KCNQ1: variants seen among roughly 807,000 people sequenced by gnomAD.
KCNQ1 encodes potassium voltage-gated channel subfamily KQT member 1.
KCNQ1 carries 49 observed loss-of-function variants against 72.4 expected under a neutral mutation model. That is an observed-to-expected ratio of 0.68 (90% CI 0.54 to 0.86). The LOEUF (loss-of-function observed/expected upper bound fraction) is 0.86. Ranked by LOEUF, KCNQ1 falls within the 40% of genes least tolerant of loss-of-function variation. KCNQ1 has a pLI of 0.00. For missense variants in KCNQ1, 790 were observed against 945.1 expected (o/e 0.84, Z 2.15); for synonymous variants, 450 against 412.6 (o/e 1.09, Z -1.10).
intron 15 of KCNQ1, among the ~76,000 whole-genome samples, chr11:2,790,915 A>G (rs1847008915): frequency 6.6e-6 from 1 of 152,122 alleles, no homozygotes; most frequent in Non-Finnish European, 1.5e-5. Context: ...TTCCCCAGCT[A>G]TCCAGCGGCT....
intron 15 of KCNQ1, among the ~76,000 whole-genome samples, chr11:2,793,390 C>CG (rs61479768): frequency 0.38 from 49,624 of 129,838 alleles, 8,284 homozygotes; most frequent in Non-Finnish European, 0.41. Context: ...GAGGCCAAGA[C>CG]GGGGGGATGG....
intron 12 of KCNQ1, 85 bp from the exon 13 acceptor site, chr11:2,775,875 G>A (rs1239092991): frequency 3.7e-6 from 5 of 1,348,190 alleles, no homozygotes; most frequent in East Asian, 2.5e-5. Context: ...AGCCTCCCGA[G>A]GGCAGACACT....
Position 2,659,461 on chromosome 11 carries a change from G to T in KCNQ1, c.1394-2500G>T. On this transcript the variant is annotated intron_variant, in intron 10 of 15. Coordinates refer to ENST00000155840, the MANE Select transcript of KCNQ1 (RefSeq NM_000218.3). The surrounding 1 kb of genome is among the most constrained non-coding windows in gnomAD (Gnocchi z 4.3). ...GTTAATTTCTTTTTATTGCTGGGTG[G>T]TATTCCATTGCATGAATATATACAT... The T allele has an allele frequency of 2.5e-6, 1 of 398,520 alleles. No homozygotes were observed. The highest frequency in any genetic ancestry group is 4.4e-6 in the Non-Finnish European group (1 of 226,022). The allele number at this position is 398,520 out of a possible 1,614,324, so 24.7% of individuals were successfully genotyped here. A position where few individuals can be genotyped will look rare whatever the true frequency, so the allele number is the denominator to read the frequency against.
chr11:2,555,981 G>T (rs1433010553), intron 2 of KCNQ1, among the ~76,000 whole-genome samples: 1 of 152,208 alleles, frequency 6.6e-6, no homozygotes, highest in Admixed American at 6.5e-5. Context: ...TGGCCTTGCT[G>T]ATGACCTGGA....
rs1850586707 is a variant in KCNQ1 at position 2,691,467 on chromosome 11, CT to C, written c.1514+29389del. Reference sequence around the variant, plus strand: ...ACTGAGTCTCTGATGTTGACAGCCTCTTTGTTTTTTCATCTCAGCCTATTCA... The same window carrying C: ...ACTGAGTCTCTGATGTTGACAGCCTCTTGTTTTTTCATCTCAGCCTATTCA... On this transcript the variant is annotated intron_variant, in intron 11 of 15. Transcript: ENST00000155840. The surrounding 1 kb of genome is among the most constrained non-coding windows in gnomAD (Gnocchi z 6.4). The C allele has an allele frequency of 5.0e-6, 2 of 398,366 alleles. No homozygotes were observed. The allele number at this position is 398,366 out of a possible 1,614,324, so 24.7% of individuals were successfully genotyped here.
At position 2,703,519 on chromosome 11, in the gene KCNQ1, A is replaced by G. The variant is rs1307902807; in HGVS notation, c.1514+41438A>G. Among the ~76,000 whole-genome samples the G allele has an allele frequency of 2.0e-5, 3 of 152,210 alleles. No individual in the cohort carries two copies. The highest frequency in any genetic ancestry group is 4.4e-5 in the Non-Finnish European group (3 of 68,036). On this transcript the variant is annotated intron_variant, in intron 11 of 15. Transcript: ENST00000155840. The surrounding 1 kb of genome is among the most constrained non-coding windows in gnomAD (Gnocchi z 6.4). ...CACGCACACACGCACTCACAGCTGA[A>G]GAGAATTAGGCTCAAAACGTCCACT...
At chr11:2,805,421 A>G (rs981925465) in intron 15 of KCNQ1, among the ~76,000 whole-genome samples, 1 of 152,256 alleles carries the variant, frequency 6.6e-6, no homozygotes, top group African/African-American at 2.4e-5. Flanking sequence ...GCAGTAGGAA[A>G]GCAGGCAAAG....
intron 11 of KCNQ1, among the ~76,000 whole-genome samples, chr11:2,705,981 C>T (rs1850905561): frequency 6.6e-6 from 1 of 151,978 alleles, no homozygotes; most frequent in African/African-American, 2.4e-5. Context: ...CCTTAGAGAA[C>T]CTGAAGAGAA....
At chr11:2,737,825 C>CCTG (rs1291360873) in intron 11 of KCNQ1, among the ~76,000 whole-genome samples, 1 of 152,182 alleles carries the variant, frequency 6.6e-6, no homozygotes, top group Non-Finnish European at 1.5e-5. Flanking sequence ...GTGATGGATG[C>CCTG]CTGCTGTTGT....
chr11:2,644,666 A>C, intron 10 of KCNQ1: 1 of 398,556 alleles, frequency 2.5e-6, no homozygotes, highest in Non-Finnish European at 4.4e-6. Flanking sequence ...CTGGTGTAAC[A>C]GTAGTTTCTT....
intron 1 of KCNQ1, among the ~76,000 whole-genome samples, chr11:2,525,587 C>A (rs746074504): frequency 1.3e-5 from 2 of 152,170 alleles, no homozygotes; most frequent in African/African-American, 2.4e-5. Context: ...GGAAGCACCG[C>A]GTTTGCAAAT....
Position 2,559,725 on chromosome 11 carries a change from C to T in KCNQ1, c.478-10903C>T, listed in dbSNP as rs547159475. Among the ~76,000 whole-genome samples the T allele has an allele frequency of 2.6e-5, 4 of 152,144 alleles. No homozygotes were observed. Among genetic ancestry groups the T allele is most frequent in the Middle Eastern group, 3.2e-3 (1 of 316 alleles). ...CCCAGAGTCACCCCGAAATCATTAA[C>T]GGGGAGACAAGCACACAGAGCAGCT... On this transcript the variant is annotated intron_variant, in intron 2 of 15. Coordinates refer to ENST00000155840, the MANE Select transcript of KCNQ1 (RefSeq NM_000218.3). This position sits in a 1 kb window ranked among gnomAD's most constrained non-coding sequence, Gnocchi z 4.9.
At chr11:2,519,436 G>C (rs1589925495) in intron 1 of KCNQ1, among the ~76,000 whole-genome samples, 1 of 152,210 alleles carries the variant, frequency 6.6e-6, no homozygotes, top group South Asian at 2.1e-4. Flanking sequence ...TGAGCTTTGA[G>C]TACATTTTTA....
chr11:2,561,213 A>T (rs1848161467), intron 2 of KCNQ1, among the ~76,000 whole-genome samples: 1 of 149,994 alleles, frequency 6.7e-6, no homozygotes, highest in African/African-American at 2.5e-5. Flanking sequence ...AAAAAAAAAA[A>T]AAGAAAAAAA....
chr11:2,527,256 G>T (rs767025366), intron 1 of KCNQ1, among the ~76,000 whole-genome samples: 15 of 152,164 alleles, frequency 9.9e-5, no homozygotes, highest in Non-Finnish European at 1.8e-4. Flanking sequence ...ACAGCCTGCC[G>T]CCTGGAGGCT....
Position 2,657,594 on chromosome 11 carries a change from C to T in KCNQ1, c.1394-4367C>T, listed in dbSNP as rs1350170823. ...TCTTATATAACCATGGTACATTGACCAAAACTAAAAAATTAACATTGGTAC... is the reference window on the plus strand; with the variant it reads ...TCTTATATAACCATGGTACATTGACTAAAACTAAAAAATTAACATTGGTAC... On this transcript the variant is annotated intron_variant, in intron 10 of 15. Transcript: ENST00000155840. The surrounding 1 kb of genome is among the most constrained non-coding windows in gnomAD (Gnocchi z 4.8). The T allele has an allele frequency of 5.0e-6, 2 of 398,506 alleles. No homozygotes were observed. The highest frequency in any genetic ancestry group is 1.3e-3 in the Middle Eastern group (2 of 1,588). The allele number at this position is 398,506 out of a possible 1,614,324, so 24.7% of individuals were successfully genotyped here. A position where few individuals can be genotyped will look rare whatever the true frequency, so the allele number is the denominator to read the frequency against.
rs1850619516 is a variant in KCNQ1 at position 2,693,327 on chromosome 11, C to G, written c.1514+31246C>G. The G allele has an allele frequency of 1.0e-5, 4 of 398,770 alleles. No individual in the cohort carries two copies. The South Asian group carries it at 5.1e-4, about 51-fold the overall frequency. 24.7% of individuals were successfully genotyped at this position (398,770 alleles called of 1,614,324 possible). A position where few individuals can be genotyped will look rare whatever the true frequency, so the allele number is the denominator to read the frequency against. The stretch of plus-strand genomic sequence containing the variant: ...ACCCACAGGCCTGGGCCCTCTCTCC[C>G]TGCCCTGAAGCCAACCAGACCCTGG... On this transcript the variant is annotated intron_variant, in intron 11 of 15. Coordinates refer to ENST00000155840, the MANE Select transcript of KCNQ1 (RefSeq NM_000218.3).
Position 2,661,472 on chromosome 11 carries a change from C to A in KCNQ1, c.1394-489C>A. 2.3e-6 allele frequency: 1 copy of A among 435,906 alleles called. No homozygotes were observed. The highest frequency in any genetic ancestry group is 3.8e-5 in the Admixed American group (1 of 26,090). 27.0% of individuals were successfully genotyped at this position (435,906 alleles called of 1,614,324 possible). A position where few individuals can be genotyped will look rare whatever the true frequency, so the allele number is the denominator to read the frequency against. ...TTTTGAGGAAGGAGTTCTGTGGCTG[C>A]CCCCACCTCCCAGGCTTGCCATTCC... is the stretch of plus-strand genomic sequence containing the variant. On this transcript the variant is annotated intron_variant, in intron 10 of 15. Transcript: ENST00000155840. The surrounding 1 kb of genome is among the most constrained non-coding windows in gnomAD (Gnocchi z 5.9).
rs565439759 is a variant in KCNQ1, at chr11:2,559,053, C to T, written c.478-11575C>T. 2.8e-4 allele frequency among the ~76,000 whole-genome samples: 42 copies of T among 151,960 alleles called. No homozygotes were observed. The highest frequency in any genetic ancestry group is 1.7e-3 in the South Asian group (8 of 4,810). On this transcript the variant is annotated intron_variant, in intron 2 of 15. Coordinates refer to ENST00000155840, the MANE Select transcript of KCNQ1 (RefSeq NM_000218.3). The surrounding 1 kb of genome is among the most constrained non-coding windows in gnomAD (Gnocchi z 4.9). ...GAGTTTGCAGTTACTCCCAGAGCTA[C>T]GGACAAGGGGCAAGGTGGGGCTGGA...
Sources: allele counts gnomAD v4.1 joint callset (sites outside exome capture counted in the v4.1 genomes callset), GRCh38; gene constraint gnomAD v4.1.1; non-coding constraint Gnocchi (gnomAD v3.1); transcripts MANE v1.5; gene names NCBI Gene and HGNC (gene_info 2026-07-23, HGNC 2026-07-21).